Variants in PRKG1 observed in about 807,000 individuals in gnomAD.
PRKG1 encodes the protein protein kinase cGMP-dependent 1.
A neutral mutation model predicts 88.1 loss-of-function variants in PRKG1; 35 were observed. The ratio of observed to expected loss-of-function variants is 0.40; its 90% CI spans 0.30 to 0.53. The LOEUF (loss-of-function observed/expected upper bound fraction) is 0.53, where lower values mean the gene tolerates loss of function less well. PRKG1 is among the 20% of genes least tolerant of loss of function. The pLI is 0.59. For missense variants in PRKG1, 540 were observed against 839.8 expected, an observed-to-expected ratio of 0.64 and a Z score of 4.41; for synonymous variants, 303 against 292.5, an observed-to-expected ratio of 1.04 and a Z score of -0.37.
intron 2 of PRKG1, among the ~76,000 whole-genome samples, chr10:51,327,551 G>A (rs1841625088): frequency 6.6e-6 from 1 of 152,084 alleles, no homozygotes; most frequent in East Asian, 1.9e-4. Context: ...CTTAAGGTCA[G>A]AGATATGTTC....
At chr10:51,699,044 G>A (rs765828762) in intron 3 of PRKG1, 4 of 1,614,226 alleles carry the variant, frequency 2.5e-6, no homozygotes, top group Non-Finnish European at 2.5e-6. Context: ...CAGTGCATAA[G>A]CCAGTTGTGG....
intron 10 of PRKG1, among the ~76,000 whole-genome samples, chr10:52,259,023 A>C (rs1841372003): frequency 6.6e-6 from 1 of 151,978 alleles, no homozygotes; most frequent in Admixed American, 6.6e-5. Flanking sequence ...GCAAGTGACC[A>C]GACTAGAGTG....
At chr10:52,194,172 A>G (rs985744898) in intron 9 of PRKG1, among the ~76,000 whole-genome samples, 1 of 152,284 alleles carries the variant, frequency 6.6e-6, no homozygotes, top group Admixed American at 6.5e-5. Flanking sequence ...ACCAATAACT[A>G]GTTCTTAACA....
chr10:51,482,558 C>A (rs1163817246), intron 3 of PRKG1, among the ~76,000 whole-genome samples: 1 of 152,146 alleles, frequency 6.6e-6, no homozygotes, highest in East Asian at 1.9e-4. Flanking sequence ...CTAGTCTTTT[C>A]CCCCTTACAT....
intron 3 of PRKG1, among the ~76,000 whole-genome samples, chr10:51,684,281 A>C (rs980665675): frequency 1.3e-5 from 2 of 152,206 alleles, no homozygotes; most frequent in African/African-American, 4.8e-5. Context: ...GGAAATATCC[A>C]GAATATCTAT....
At chr10:51,121,952 T>G (rs949751425) in intron 1 of PRKG1, among the ~76,000 whole-genome samples, 2 of 152,216 alleles carry the variant, frequency 1.3e-5, no homozygotes, top group African/African-American at 4.8e-5. Context: ...TTGTGGTGAT[T>G]GTTGGCACTT....
chr10:51,706,072 C>T (rs1841596934), intron 3 of PRKG1, among the ~76,000 whole-genome samples: 1 of 152,176 alleles, frequency 6.6e-6, no homozygotes, highest in Admixed American at 6.5e-5. Flanking sequence ...GGTATAAAGA[C>T]TGAAGCAATA....
intron 4 of PRKG1, among the ~76,000 whole-genome samples, chr10:51,881,505 G>A (rs953991995): frequency 7.2e-5 from 11 of 152,134 alleles, no homozygotes; most frequent in Non-Finnish European, 1.5e-4. Flanking sequence ...TAATTCAGTA[G>A]TCTAGCTGAG....
At chr10:52,291,210 C>T (rs559858186) in intron 17 of PRKG1, among the ~76,000 whole-genome samples, 66 of 151,696 alleles carry the variant, frequency 4.4e-4, no homozygotes, top group African/African-American at 1.4e-3. Context: ...ACGTGAGCAC[C>T]GCGCTGGGCC....
At chr10:51,097,358 G>C (rs1844555951) in intron 1 of PRKG1, among the ~76,000 whole-genome samples, 1 of 152,116 alleles carries the variant, frequency 6.6e-6, no homozygotes, top group Non-Finnish European at 1.5e-5. Flanking sequence ...CAGTAGCTGG[G>C]ATTACAGGTG....
intron 4 of PRKG1, among the ~76,000 whole-genome samples, chr10:51,846,024 C>G (rs1237241384): frequency 6.6e-6 from 1 of 152,052 alleles, no homozygotes. Context: ...AAGTCATATA[C>G]CCTTAATTTT....
At chr10:51,556,820 T>A (rs1010280136) in intron 3 of PRKG1, among the ~76,000 whole-genome samples, 4 of 152,006 alleles carry the variant, frequency 2.6e-5, no homozygotes, top group African/African-American at 9.7e-5. Context: ...CAAACCTCAG[T>A]GTCACGCAAT....
intron 2 of PRKG1, among the ~76,000 whole-genome samples, chr10:51,288,588 G>A (rs748756978): frequency 3.3e-5 from 5 of 152,122 alleles, no homozygotes; most frequent in Admixed American, 6.6e-5. Context: ...GATTCTGAGT[G>A]AATAAGAAAT....
intron 7 of PRKG1, among the ~76,000 whole-genome samples, chr10:52,106,441 C>G (rs546026360): frequency 6.6e-4 from 100 of 152,180 alleles, no homozygotes; most frequent in African/African-American, 2.0e-3. Context: ...CAGAAACTCA[C>G]AGGTTGGTGA....
intron 3 of PRKG1, among the ~76,000 whole-genome samples, chr10:51,511,860 T>C (rs1841422645): frequency 6.6e-6 from 1 of 152,196 alleles, no homozygotes; most frequent in South Asian, 2.1e-4. Context: ...TTTATAATAG[T>C]CATAAAGTAG....
chr10:52,079,721 CA>C (rs1846721342), intron 7 of PRKG1, among the ~76,000 whole-genome samples: 1 of 152,124 alleles, frequency 6.6e-6, no homozygotes, highest in African/African-American at 2.4e-5. Context: ...AGAGGGGGAC[CA>C]GGGTCACCTA....
At chr10:51,050,834 T>TG (rs1843551765) in intron 1 of PRKG1, among the ~76,000 whole-genome samples, 3 of 152,166 alleles carry the variant, frequency 2.0e-5, no homozygotes, top group Non-Finnish European at 4.4e-5. Context: ...TTTTTTAATA[T>TG]AATAGTCATT....
At chr10:51,633,551 T>TA (rs1210195360) in intron 3 of PRKG1, among the ~76,000 whole-genome samples, 2 of 152,116 alleles carry the variant, frequency 1.3e-5, no homozygotes, top group African/African-American at 4.8e-5. Flanking sequence ...TTCTGAAGTA[T>TA]AAAAAAGTGA....
intron 2 of PRKG1, among the ~76,000 whole-genome samples, chr10:51,190,367 G>T (rs1427907402): frequency 6.6e-6 from 1 of 151,888 alleles, no homozygotes. Context: ...GCAGTATTAT[G>T]ATAAAAATCT....
Sources: allele counts gnomAD v4.1 joint callset (sites outside exome capture counted in the v4.1 genomes callset), GRCh38; gene constraint gnomAD v4.1.1; transcripts MANE v1.5; gene names NCBI Gene and HGNC (gene_info 2026-07-23, HGNC 2026-07-21).